The following TRPM3 variants were observed in gnomAD, a reference collection of about 807,000 sequenced individuals.
The protein encoded by TRPM3 is transient receptor potential cation channel subfamily M member 3.
TRPM3 carries 77 observed loss-of-function variants against 181.2 expected under a neutral mutation model. That is an observed-to-expected ratio of 0.42 (90% CI 0.35 to 0.51). The LOEUF is 0.51. Among genes scored for constraint, TRPM3 ranks in the 20% least tolerant of loss-of-function variants. The pLI is 0.01. For synonymous variants in TRPM3, 745 were observed against 796.4 expected, an observed-to-expected ratio of 0.94 and a Z score of 1.09; for missense variants, 1,759 against 2,196.7, an observed-to-expected ratio of 0.80 and a Z score of 3.98.
chr9:70,884,949 A>T (rs2096062536), intron 1 of TRPM3, among the ~76,000 whole-genome samples: 2 of 152,200 alleles, frequency 1.3e-5, no homozygotes, highest in African/African-American at 4.8e-5. Flanking sequence ...AAAATCACAG[A>T]TAATTCCATG....
chr9:70,841,650 A>ATATATG (rs1564540093), intron 5 of TRPM3, among the ~76,000 whole-genome samples: 1 of 124,330 alleles, frequency 8.0e-6, no homozygotes, highest in Non-Finnish European at 1.7e-5. Flanking sequence ...ATATATATAT[A>ATATATG]TATATATATA....
chr9:71,190,347 AT>A (rs2077940856), intron 1 of TRPM3, among the ~76,000 whole-genome samples: 1 of 152,060 alleles, frequency 6.6e-6, no homozygotes, highest in Admixed American at 6.6e-5. Flanking sequence ...TAAGCATTAA[AT>A]TGGTATTTGC....
chr9:71,133,292 C>CTTTTT (rs761379173), intron 1 of TRPM3, among the ~76,000 whole-genome samples: 7,688 of 71,760 alleles, frequency 0.11, 1,340 homozygotes, highest in African/African-American at 0.17. Context: ...TAGCAAATTG[C>CTTTTT]TTTTTTTTTT....
At chr9:71,248,734 G>T (rs985598884) in intron 1 of TRPM3, among the ~76,000 whole-genome samples, 1 of 152,140 alleles carries the variant, frequency 6.6e-6, no homozygotes, top group African/African-American at 2.4e-5. Flanking sequence ...GCCCTGGTGT[G>T]TTATAATGTA....
intron 1 of TRPM3, among the ~76,000 whole-genome samples, chr9:71,372,595 T>C (rs903780870): frequency 6.6e-6 from 1 of 152,220 alleles, no homozygotes; most frequent in African/African-American, 2.4e-5. Context: ...TGCATTTCTG[T>C]AATAATCAGT....
intron 1 of TRPM3, among the ~76,000 whole-genome samples, chr9:71,105,018 A>G (rs2069191667): frequency 6.6e-6 from 1 of 152,226 alleles, no homozygotes. Flanking sequence ...GCTTTGTCCA[A>G]CAAGAATGTT....
At position 70,600,968 on chromosome 9, in the gene TRPM3, G is replaced by A. The variant is rs766547280; in HGVS notation, c.2797-2298C>T. On this transcript the variant is annotated intron_variant, in intron 20 of 25. Coordinates refer to ENST00000677713, the MANE Select transcript of TRPM3 (RefSeq NM_001366145.2). ...GGGTGAGGCAGAAGTGGAAAGTCAA[G>A]AATCCCCCCTGCCTCCTCCACCTCT... 6.6e-4 allele frequency among the ~76,000 whole-genome samples: 101 copies of A among 152,142 alleles called. 1 individual carries two copies. The highest frequency in any genetic ancestry group is 7.1e-4 in the Non-Finnish European group (48 of 68,030).
At chr9:70,878,862 C>T (rs756854119) in intron 1 of TRPM3, among the ~76,000 whole-genome samples, 3 of 152,124 alleles carry the variant, frequency 2.0e-5, no homozygotes, top group African/African-American at 7.2e-5. Context: ...TGCACCTACA[C>T]GTTAGTAAGA....
chr9:71,162,199 C>CAAAAAAAAAAAAAAAAA (rs35947110), intron 1 of TRPM3, among the ~76,000 whole-genome samples: 7 of 74,406 alleles, frequency 9.4e-5, no homozygotes, highest in East Asian at 8.4e-4. Flanking sequence ...GACTCTGTCT[C>CAAAAAAAAAAAAAAAAA]AAAAAAAAAA....
chr9:70,895,189 G>A (rs142734041), intron 1 of TRPM3, among the ~76,000 whole-genome samples: 352 of 152,228 alleles, frequency 2.3e-3, no homozygotes, highest in Non-Finnish European at 3.7e-3. Flanking sequence ...AACAGGCAGC[G>A]CTGCATTTTC....
intron 22 of TRPM3, among the ~76,000 whole-genome samples, chr9:70,572,227 A>C (rs967961518): frequency 9.2e-5 from 14 of 152,178 alleles, no homozygotes; most frequent in Admixed American, 2.6e-4. Flanking sequence ...CTTTTTGTCA[A>C]AAACAGACTT....
At chr9:71,362,019 G>T (rs996982094) in intron 1 of TRPM3, among the ~76,000 whole-genome samples, 1 of 152,050 alleles carries the variant, frequency 6.6e-6, no homozygotes, top group South Asian at 2.1e-4. Context: ...GGCTCAGCTA[G>T]GAGGTAATTT....
At chr9:71,240,853 T>C (rs983486461) in intron 1 of TRPM3, among the ~76,000 whole-genome samples, 4 of 152,184 alleles carry the variant, frequency 2.6e-5, no homozygotes, top group Non-Finnish European at 5.9e-5. Flanking sequence ...GAGTAGTATC[T>C]AGGTCATGCC....
At chr9:71,018,169 T>G (rs1285796649) in intron 1 of TRPM3, among the ~76,000 whole-genome samples, 1 of 151,754 alleles carries the variant, frequency 6.6e-6, no homozygotes, top group Admixed American at 6.6e-5. Context: ...GAAGAATATC[T>G]CTAAAGCTGT....
intron 1 of TRPM3, among the ~76,000 whole-genome samples, chr9:71,420,781 G>GAGAA: frequency 1.1e-5 from 1 of 87,322 alleles, no homozygotes; most frequent in African/African-American, 4.8e-5. Flanking sequence ...GAGAGAAAGA[G>GAGAA]AGAGAAAGAG....
chr9:71,022,531 T>C (rs113874828), intron 1 of TRPM3, among the ~76,000 whole-genome samples: 2,165 of 152,108 alleles, frequency 0.014, 41 homozygotes, highest in African/African-American at 0.05. Flanking sequence ...TCTATCTCTA[T>C]AAAAACAATT....
At chr9:71,302,223 G>T (rs1464790923) in intron 1 of TRPM3, among the ~76,000 whole-genome samples, 1 of 151,944 alleles carries the variant, frequency 6.6e-6, no homozygotes. Flanking sequence ...CAGAATAAAA[G>T]TTATTGCAAA....
intron 1 of TRPM3, among the ~76,000 whole-genome samples, chr9:71,119,809 C>T (rs1228655283): frequency 6.6e-6 from 1 of 152,088 alleles, no homozygotes; most frequent in African/African-American, 2.4e-5. Context: ...CTTTTTCTTG[C>T]CCTATCACAC....
intron 1 of TRPM3, among the ~76,000 whole-genome samples, chr9:71,326,700 C>A (rs1384980968): frequency 6.6e-6 from 1 of 152,108 alleles, no homozygotes; most frequent in East Asian, 1.9e-4. Context: ...TCAGGGATAC[C>A]CTTTTGTGTC....
Sources: allele counts gnomAD v4.1 joint callset (sites outside exome capture counted in the v4.1 genomes callset), GRCh38; gene constraint gnomAD v4.1.1; transcripts MANE v1.5; gene names NCBI Gene and HGNC (gene_info 2026-07-23, HGNC 2026-07-21).